MIER2: variants seen among roughly 807,000 people sequenced by gnomAD.
MIER2 encodes the protein MIER family member 2, also known as mesoderm induction early response protein 2.
A neutral mutation model predicts 67.6 loss-of-function variants in MIER2; 30 were observed. That is an observed-to-expected ratio of 0.44 (90% CI 0.33 to 0.60). The LOEUF (loss-of-function observed/expected upper bound fraction) is 0.60, where lower values mean the gene tolerates loss of function less well. Among genes scored for constraint, MIER2 ranks in the 20% least tolerant of loss-of-function variants. The pLI, the probability that MIER2 is intolerant of heterozygous loss-of-function variation, is 0.02. For missense variants in MIER2, 702 were observed against 745.1 expected (o/e 0.94, Z 0.67); for synonymous variants, 372 against 312.6 (o/e 1.19, Z -2.00).
chr19:306,663 G>GC lies in MIER2; in HGVS notation c.*26dup. 6.4e-7 allele frequency: 1 copy of GC among 1,552,378 alleles called. No homozygotes were observed. The highest frequency in any genetic ancestry group is 8.7e-7 in the Non-Finnish European group (1 of 1,147,640). On this transcript the variant is annotated 3_prime_UTR_variant, in exon 14 of 14. Transcript: ENST00000264819. ...AGCGGCAGCGCTAAGTCCAGTCTGG[G>GC]CCGCATACGCCGCCCGCGGCCAGGA... is the stretch of plus-strand genomic sequence containing the variant.
chr19:326,659 T>A, intron 5 of MIER2, 61 bp from the exon 6 acceptor site: 1 of 1,285,900 alleles, frequency 7.8e-7, no homozygotes, highest in Non-Finnish European at 1.1e-6. Context: ...ATACAACCCC[T>A]TCTCTCCACT....
chr19:309,037 C>T, intron 10 of MIER2, 112 bp from the exon 11 acceptor site: 1 of 1,435,592 alleles, frequency 7.0e-7, no homozygotes, highest in Non-Finnish European at 9.4e-7. Flanking sequence ...GAGCACAGCA[C>T]CCACCACTCT....
At chr19:317,265 C>T (rs949591928) in intron 7 of MIER2, among the ~76,000 whole-genome samples, 7 of 151,954 alleles carry the variant, frequency 4.6e-5, no homozygotes, top group Non-Finnish European at 2.9e-5. Context: ...CGGTGGCGGG[C>T]ACCTGTAATC....
In MIER2 at chr19:327,411, G is replaced by A. The variant is rs568903265; in HGVS notation, c.370-155C>T. ...AAAGGGTGCACAGCGTGGGGGGAGC[G>A]GGGATGGGAAGGAGACACGTGGGAG... On this transcript the variant is annotated intron_variant, in intron 4 of 13. Coordinates refer to ENST00000264819, the MANE Select transcript of MIER2 (RefSeq NM_017550.3). Among the ~76,000 whole-genome samples, 6 of 152,340 alleles carry A rather than the reference G, an allele frequency of 3.9e-5. No individual in the cohort carries two copies. In the East Asian group the frequency reaches 5.8e-4, roughly 15 times the overall value.
Position 317,444 on chromosome 19 carries a change from G to A in MIER2, c.656-3801C>T, listed in dbSNP as rs564083128. 2.1e-4 allele frequency among the ~76,000 whole-genome samples: 32 copies of A among 151,890 alleles called. No homozygotes were observed. In the East Asian group the frequency reaches 3.5e-3, roughly 17 times the overall value. On this transcript the variant is annotated intron_variant, in intron 7 of 13. Coordinates refer to ENST00000264819, the MANE Select transcript of MIER2 (RefSeq NM_017550.3). The stretch of plus-strand genomic sequence containing the variant: ...CAGGAGGCTGAAGCAGGAGAATGGC[G>A]TGAACCCGGGAGGCGGAGCTTGCAG...
At chr19:310,665 A>G (rs62103691) in intron 10 of MIER2, among the ~76,000 whole-genome samples, 4,086 of 46,622 alleles carry the variant, frequency 0.088, 2 homozygotes, top group African/African-American at 0.21. Context: ...ACACAGCCCG[A>G]AGCTCCAGAA....
intron 7 of MIER2, among the ~76,000 whole-genome samples, chr19:319,343 T>A (rs138157919): frequency 2.6e-5 from 4 of 151,980 alleles, no homozygotes; most frequent in African/African-American, 4.8e-5. Flanking sequence ...GCCTGGGCAA[T>A]AGAGCGAGAC....
intron 10 of MIER2, 115 bp from the exon 11 acceptor site, chr19:309,040 A>G: frequency 7.0e-7 from 1 of 1,429,884 alleles, no homozygotes; most frequent in South Asian, 1.3e-5. Flanking sequence ...CACAGCACCC[A>G]CCACTCTCAG....
At chr19:331,157 C>T (rs923739579) in intron 3 of MIER2, among the ~76,000 whole-genome samples, 6 of 151,802 alleles carry the variant, frequency 4.0e-5, no homozygotes, top group East Asian at 1.9e-4. Flanking sequence ...GTCAGGAGTT[C>T]GAGACCAGCC....
At chr19:323,693 C>T (rs1447164073) in intron 7 of MIER2, among the ~76,000 whole-genome samples, 4 of 151,190 alleles carry the variant, frequency 2.6e-5, no homozygotes, top group African/African-American at 4.9e-5. Flanking sequence ...GACCACAATG[C>T]AATACACAAG....
chr19:317,730 C>CA (rs10710807), intron 7 of MIER2, among the ~76,000 whole-genome samples: 1,548 of 83,922 alleles, frequency 0.018, 14 homozygotes, highest in Middle Eastern at 0.044. Context: ...GACTCTGTCT[C>CA]AAAAAAAAAA....
intron 7 of MIER2, among the ~76,000 whole-genome samples, chr19:316,628 A>T (rs1168623032): frequency 2.6e-5 from 4 of 152,198 alleles, no homozygotes; most frequent in Admixed American, 6.5e-5. Flanking sequence ...GGCAGGGGGC[A>T]GGTAAATTGA....
At chr19:326,417 G>A in intron 6 of MIER2, 90 bp downstream of exon 6, 1 of 1,096,716 alleles carries the variant, frequency 9.1e-7, no homozygotes. Flanking sequence ...AGGCTGGGGA[G>A]ACGGCAGAGC....
At chr19:336,021 C>G in intron 2 of MIER2, 62 bp downstream of exon 2, 1 of 1,517,926 alleles carries the variant, frequency 6.6e-7, no homozygotes, top group Non-Finnish European at 9.1e-7. Flanking sequence ...AGCAGGCATT[C>G]TGTCTCTCAC....
chr19:327,379 A>T, intron 4 of MIER2, 123 bp from the exon 5 acceptor site: 4 of 1,259,974 alleles, frequency 3.2e-6, no homozygotes, highest in Non-Finnish European at 4.4e-6. Context: ...TGCTATTCCC[A>T]TTCTGCAAAG....
Position 308,956 on chromosome 19 carries a change from C to G in MIER2, c.985-31G>C. 2 of 1,582,984 alleles carry G rather than the reference C, an allele frequency of 1.3e-6. No individual in the cohort carries two copies. Among genetic ancestry groups the G allele is most frequent in the South Asian group, 2.2e-5 (2 of 89,324 alleles). ...GGGAGGGGTCAGGAGCCATCTCTGT[C>G]CCCGGCTGCCCAGCCCCAGCACCTG... is the stretch of plus-strand genomic sequence containing the variant. On this transcript the variant is annotated intron_variant, in intron 10 of 13. Transcript: ENST00000264819. This position sits in a 1 kb window ranked among gnomAD's most constrained non-coding sequence, Gnocchi z 9.1.
chr19:328,553 G>C (rs183745299), intron 3 of MIER2, among the ~76,000 whole-genome samples: 64 of 152,176 alleles, frequency 4.2e-4, no homozygotes, highest in Non-Finnish European at 1.5e-5. Flanking sequence ...TTCGAGACCA[G>C]CCTGGGCAAC....
Position 320,903 on chromosome 19 carries a change from G to C in MIER2, c.655+4732C>G, listed in dbSNP as rs562750897. 5.9e-5 allele frequency among the ~76,000 whole-genome samples: 9 copies of C among 152,288 alleles called. No homozygotes were observed. In the South Asian group the frequency reaches 1.0e-3, roughly 18 times the overall value. On this transcript the variant is annotated intron_variant, in intron 7 of 13. Coordinates refer to ENST00000264819, the MANE Select transcript of MIER2 (RefSeq NM_017550.3). ...GAGTGGAGCTTCTCGAATTTTCTCT[G>C]AAAGGGACATCATAGCCTTCTTCCA...
chr19:307,364 T>C lies in MIER2; in HGVS notation c.1371A>G (p.Pro457=). The C allele has an allele frequency of 3.7e-6, 6 of 1,606,572 alleles. No individual in the cohort carries two copies. The highest frequency in any genetic ancestry group is 5.1e-6 in the Non-Finnish European group (6 of 1,177,428). The stretch of plus-strand genomic sequence containing the variant: ...CGTCTGGCTCCGGAGCAGTGACAGC[T>C]GGCTGGTATGAGGCTGGGTCGGCCA... The part of the protein sequence containing the change: ...PALADPASYQ[P]AVTAPEPDAS... Residue 457 remains proline (P), a synonymous_variant, in exon 13 of 14, where the codon CCA becomes CCG. Coordinates refer to ENST00000264819, the MANE Select transcript of MIER2 (RefSeq NM_017550.3).
Sources: gnomAD v4.1 joint callset for allele counts (sites outside exome capture counted in the v4.1 genomes callset) on GRCh38, gnomAD v4.1.1 for gene constraint, Gnocchi (gnomAD v3.1) non-coding constraint, MANE v1.5 for transcripts, NCBI Gene and HGNC (gene_info 2026-07-23, HGNC 2026-07-21) for gene names.